Variants in KIR2DL1 observed in about 807,000 individuals in gnomAD.
KIR2DL1 encodes the protein killer cell immunoglobulin-like receptor 2DL1.
KIR2DL1 carries 38 observed loss-of-function variants against 33.9 expected under a neutral mutation model. The ratio of observed to expected loss-of-function variants is 1.12; its 90% CI spans 0.86 to 1.47. The LOEUF is 1.47. Among genes scored for constraint, KIR2DL1 ranks in the 40% most tolerant of loss-of-function variants. The probability of loss-of-function intolerance (pLI) is 0.00; values close to 1 mark genes in which losing one functional copy is unlikely to be tolerated. For missense variants in KIR2DL1, 531 were observed against 433.9 expected, an observed-to-expected ratio of 1.22 and a Z score of -1.99; for synonymous variants, 179 against 165.9, an observed-to-expected ratio of 1.08 and a Z score of -0.61.
At chr19:54,782,189 G>T (rs1384369705) in intron 5 of KIR2DL1, among the ~76,000 whole-genome samples, 2 of 151,818 alleles carry the variant, frequency 1.3e-5, no homozygotes, top group Non-Finnish European at 2.9e-5. Flanking sequence ...GCCACAGGAA[G>T]CACTCAGCTA....
At chr19:54,776,447 T>C (rs1210175913) in intron 4 of KIR2DL1, among the ~76,000 whole-genome samples, 1 of 146,200 alleles carries the variant, frequency 6.8e-6, no homozygotes, top group African/African-American at 2.5e-5. Context: ...TAGTCTCCAC[T>C]GTGCGTATGT....
intron 5 of KIR2DL1, among the ~76,000 whole-genome samples, chr19:54,782,004 C>T (rs1195049082): frequency 1.3e-5 from 2 of 152,072 alleles, no homozygotes; most frequent in Non-Finnish European, 2.9e-5. Context: ...GAATACGTTA[C>T]ATAGGCAGGT....
In KIR2DL1 at chr19:54,770,584, C is replaced by T. The variant is rs376245207; in HGVS notation, c.35-265C>T. Among the ~76,000 whole-genome samples the T allele has an allele frequency of 3.0e-3, 354 of 116,442 alleles. 17 individuals are homozygous for T. Among genetic ancestry groups the T allele is most frequent in the African/African-American group, 0.011 (333 of 30,298 alleles). The allele number at this position is 116,442 out of a possible 152,430, so 76.4% of individuals were successfully genotyped here. A position where few individuals can be genotyped will look rare whatever the true frequency, so the allele number is the denominator to read the frequency against. On this transcript the variant is annotated intron_variant, in intron 1 of 7. Transcript: ENST00000336077. Reference sequence around the variant, plus strand: ...GATTGGAGATATGGGCCTGGATTGGCGATATGGGCTTAGGGTGGAAATATC... The same window carrying T: ...GATTGGAGATATGGGCCTGGATTGGTGATATGGGCTTAGGGTGGAAATATC...
chr19:54,770,429 T>A (rs2075553532), intron 1 of KIR2DL1, among the ~76,000 whole-genome samples: 1 of 128,950 alleles, frequency 7.8e-6, no homozygotes, highest in South Asian at 2.5e-4. Context: ...GGCCTGGGTG[T>A]GGAGATATGG....
intron 4 of KIR2DL1, 68 bp downstream of exon 4, chr19:54,775,526 A>G (rs1268351814): frequency 6.8e-7 from 1 of 1,474,374 alleles, no homozygotes; most frequent in Non-Finnish European, 9.3e-7. Flanking sequence ...CTTCCTGCTG[A>G]GGATGGAGAG....
chr19:54,775,536 G>C, intron 4 of KIR2DL1, 78 bp downstream of exon 4: 7 of 1,455,662 alleles, frequency 4.8e-6, no homozygotes, highest in Non-Finnish European at 6.6e-6. Flanking sequence ...AGGATGGAGA[G>C]AAGCATGGAC....
At chr19:54,772,355 T>A (rs1201509203) in intron 2 of KIR2DL1, among the ~76,000 whole-genome samples, 1 of 147,296 alleles carries the variant, frequency 6.8e-6, no homozygotes, top group Non-Finnish European at 1.5e-5. Flanking sequence ...AGGAACTGAT[T>A]CTCCTGAGTC....
intron 5 of KIR2DL1, 89 bp from the exon 6 acceptor site, chr19:54,782,833 G>A (rs1267275643): frequency 4.0e-5 from 57 of 1,433,686 alleles, no homozygotes; most frequent in Non-Finnish European, 5.3e-5. Flanking sequence ...GGTGTTTTAT[G>A]TGGTTACCTG....
chr19:54,784,115 G>A lies in KIR2DL1; in HGVS notation c.*302G>A. ...CTTACTTCCTAGTCTACTTGAGGCTGCAATCACACTGAGGAACTCACAATT... is the reference window on the plus strand; with the variant it reads ...CTTACTTCCTAGTCTACTTGAGGCTACAATCACACTGAGGAACTCACAATT... On this transcript the variant is annotated 3_prime_UTR_variant, in exon 8 of 8. Coordinates refer to ENST00000336077, the MANE Select transcript of KIR2DL1 (RefSeq NM_014218.3). The A allele has an allele frequency of 1.8e-6, 1 of 548,310 alleles. No homozygotes were observed. Among genetic ancestry groups the A allele is most frequent in the Non-Finnish European group, 3.3e-6 (1 of 307,156 alleles). The allele number at this position is 548,310 out of a possible 1,614,324, so 34.0% of individuals were successfully genotyped here.
chr19:54,783,229 T>C (rs543893135), intron 6 of KIR2DL1, among the ~76,000 whole-genome samples: 393 of 150,762 alleles, frequency 2.6e-3, no homozygotes, highest in African/African-American at 8.7e-3. Context: ...TGTATCCCCA[T>C]GTCCCCTGCA....
chr19:54,777,441 G>C (rs1302327434), intron 4 of KIR2DL1, among the ~76,000 whole-genome samples: 1 of 149,046 alleles, frequency 6.7e-6, no homozygotes, highest in African/African-American at 2.5e-5. Context: ...ATTTTAATTT[G>C]CGTTTCTCTG....
intron 1 of KIR2DL1, 74 bp from the exon 2 acceptor site, chr19:54,770,773 TCA>T (rs1286645864): frequency 2.6e-6 from 4 of 1,547,862 alleles, no homozygotes; most frequent in Non-Finnish European, 2.7e-6. Flanking sequence ...CTACCAAGAC[TCA>T]CAGCCCAGTG....
Position 54,775,371 on chromosome 19 carries a change from G to A in KIR2DL1, c.577G>A (p.Gly193Arg), listed in dbSNP as rs147043371. 174 of 1,583,272 alleles carry A rather than the reference G, an allele frequency of 1.1e-4. 4 individuals are homozygous for A. The highest frequency in any genetic ancestry group is 6.7e-4 in the Middle Eastern group (4 of 6,008). The change falls in exon 4 of 8, where the codon GGA (glycine) becomes AGA (arginine). Residue 193 changes from glycine (G) to arginine (R), a missense_variant. Physicochemically the swap from Gly to Arg is moderately radical, Grantham distance 125 (BLOSUM62 -2). Coordinates refer to ENST00000336077, the MANE Select transcript of KIR2DL1 (RefSeq NM_014218.3). Reference protein sequence around the residue: ...ADFPLGPATHGGTYRCFGSFH... With the variant: ...ADFPLGPATHRGTYRCFGSFH... ...CTTTCCTCTGGGCCCTGCCACCCACGGAGGGACCTACAGATGCTTCGGCTC... is the reference window on the plus strand; with the variant it reads ...CTTTCCTCTGGGCCCTGCCACCCACAGAGGGACCTACAGATGCTTCGGCTC...
intron 1 of KIR2DL1, 39 bp from the exon 2 acceptor site, chr19:54,770,810 G>A: frequency 1.9e-6 from 3 of 1,581,692 alleles, no homozygotes. Context: ...GCCCTGGTTT[G>A]CCTGCAGATG....
chr19:54,772,430 G>T (rs1264718877), intron 2 of KIR2DL1, among the ~76,000 whole-genome samples: 1 of 145,256 alleles, frequency 6.9e-6, no homozygotes, highest in East Asian at 2.0e-4. Context: ...TCCGATTTCT[G>T]TCTCCAGAAT....
Position 54,782,104 on chromosome 19 carries a change from C to T in KIR2DL1, c.716-818C>T, listed in dbSNP as rs1352119228. ...CAAGGCTCAGAAAAGCTCCTCGGGACATATGGAGTCACCCCATTTGCAGTG... is the reference window on the plus strand; with the variant it reads ...CAAGGCTCAGAAAAGCTCCTCGGGATATATGGAGTCACCCCATTTGCAGTG... On this transcript the variant is annotated intron_variant, in intron 5 of 7. Transcript: ENST00000336077. Among the ~76,000 whole-genome samples the T allele has an allele frequency of 4.6e-3, 697 of 152,046 alleles. 5 individuals carry two copies. Among genetic ancestry groups the T allele is most frequent in the African/African-American group, 0.016 (662 of 41,420 alleles).
In KIR2DL1 at chr19:54,772,816, G is replaced by T. The variant is rs1226950155; in HGVS notation, c.71-517G>T. Among the ~76,000 whole-genome samples, 596 of 144,936 alleles carry T rather than the reference G, an allele frequency of 4.1e-3. 22 individuals are homozygous for T. Among genetic ancestry groups the T allele is most frequent in the African/African-American group, 0.014 (570 of 39,660 alleles). ...ACCAGGCTCCATCCACATAGGGAGG[G>T]GTTGATACTCCTCCAACCAGCACCA... On this transcript the variant is annotated intron_variant, in intron 2 of 7. Transcript: ENST00000336077.
At chr19:54,777,509 CT>C (rs1197898638) in intron 4 of KIR2DL1, among the ~76,000 whole-genome samples, 1 of 150,004 alleles carries the variant, frequency 6.7e-6, no homozygotes, top group Non-Finnish European at 1.5e-5. Context: ...TCTTTTGCTC[CT>C]TTTTCAATTA....
intron 1 of KIR2DL1, 32 bp from the exon 2 acceptor site, chr19:54,770,817 G>A (rs2147404488): frequency 6.3e-7 from 1 of 1,583,226 alleles, no homozygotes; most frequent in Non-Finnish European, 8.7e-7. Context: ...TTTGCCTGCA[G>A]ATGGGTCATC....
Sources: gnomAD v4.1 joint callset for allele counts (sites outside exome capture counted in the v4.1 genomes callset) on GRCh38, gnomAD v4.1.1 for gene constraint, MANE v1.5 for transcripts, NCBI Gene and HGNC (gene_info 2026-07-23, HGNC 2026-07-21) for gene names.